The following GRM7 variants were observed in gnomAD, a reference collection of about 807,000 sequenced individuals.
The protein encoded by GRM7 is metabotropic glutamate receptor 7.
Under a neutral mutation model 84.5 loss-of-function variants are expected in GRM7, and 35 were observed. That is an observed-to-expected ratio of 0.41 (90% confidence interval 0.32 to 0.55). The LOEUF is 0.55. Among genes scored for constraint, GRM7 ranks in the 20% least tolerant of loss-of-function variants. The pLI, the probability that GRM7 is intolerant of heterozygous loss-of-function variation, is 0.19. For missense variants in GRM7, 1,003 were observed against 1,194.6 expected, an observed-to-expected ratio of 0.84 and a Z score of 2.36; for synonymous variants, 487 against 455.1, an observed-to-expected ratio of 1.07 and a Z score of -0.89.
At chr3:7,322,122 G>T (rs535264934) in intron 4 of GRM7, among the ~76,000 whole-genome samples, 9 of 151,970 alleles carry the variant, frequency 5.9e-5, no homozygotes, top group Non-Finnish European at 1.2e-4. Flanking sequence ...AGAGTTGTTG[G>T]ATACCTACAT....
intron 8 of GRM7, among the ~76,000 whole-genome samples, chr3:7,657,473 T>C (rs1699257888): frequency 2.0e-5 from 3 of 152,300 alleles, no homozygotes; most frequent in South Asian, 2.1e-4. Context: ...AGCTACAACA[T>C]GTTATTGGAA....
chr3:7,692,634 G>A (rs1700850374), intron 9 of GRM7, among the ~76,000 whole-genome samples: 1 of 152,116 alleles, frequency 6.6e-6, no homozygotes, highest in Non-Finnish European at 1.5e-5. Context: ...AGTTTAGAAT[G>A]TACTCAACTA....
At chr3:6,984,827 G>A (rs1694346496) in intron 1 of GRM7, among the ~76,000 whole-genome samples, 1 of 152,158 alleles carries the variant, frequency 6.6e-6, no homozygotes, top group Non-Finnish European at 1.5e-5. Flanking sequence ...AGGCATTCCT[G>A]GGGCAGAATA....
chr3:7,570,846 G>C (rs938991624), intron 7 of GRM7, among the ~76,000 whole-genome samples: 10 of 152,200 alleles, frequency 6.6e-5, no homozygotes, highest in Non-Finnish European at 1.3e-4. Context: ...GCAAACTTCT[G>C]TCTGGACATC....
intron 5 of GRM7, among the ~76,000 whole-genome samples, chr3:7,424,515 C>T (rs1402142478): frequency 6.6e-6 from 1 of 152,064 alleles, no homozygotes; most frequent in African/African-American, 2.4e-5. Context: ...AAGTAATGCC[C>T]TGTTTTTACA....
intron 1 of GRM7, among the ~76,000 whole-genome samples, chr3:6,882,671 T>C (rs1695555505): frequency 6.6e-6 from 1 of 152,220 alleles, no homozygotes; most frequent in African/African-American, 2.4e-5. Flanking sequence ...TGCAAGCAAA[T>C]ATATAATACT....
chr3:7,511,777 G>A (rs1055120330), intron 7 of GRM7, among the ~76,000 whole-genome samples: 5 of 152,184 alleles, frequency 3.3e-5, no homozygotes, highest in African/African-American at 1.2e-4. Flanking sequence ...ATGAAGAACA[G>A]GATGTCTTGG....
chr3:7,167,703 C>A (rs928706088), intron 2 of GRM7, among the ~76,000 whole-genome samples: 11 of 152,098 alleles, frequency 7.2e-5, no homozygotes, highest in Admixed American at 5.2e-4. Context: ...GGCACGGGGG[C>A]TCACGCCTGT....
intron 1 of GRM7, among the ~76,000 whole-genome samples, chr3:7,134,069 C>A (rs187245631): frequency 6.6e-6 from 1 of 152,158 alleles, no homozygotes; most frequent in East Asian, 1.9e-4. Flanking sequence ...CAAATAGCAC[C>A]AGACAAAATA....
At chr3:7,380,802 C>G (rs1457929437) in intron 4 of GRM7, among the ~76,000 whole-genome samples, 2 of 152,198 alleles carry the variant, frequency 1.3e-5, no homozygotes, top group Admixed American at 6.5e-5. Context: ...GAAAAGAATT[C>G]CCTAAACCCC....
chr3:7,086,619 T>A (rs1226627724), intron 1 of GRM7, among the ~76,000 whole-genome samples: 1 of 152,216 alleles, frequency 6.6e-6, no homozygotes, highest in Non-Finnish European at 1.5e-5. Context: ...GAGCTCCACA[T>A]CAACGTATCC....
chr3:7,079,998 C>T (rs1698225818), intron 1 of GRM7, among the ~76,000 whole-genome samples: 1 of 152,068 alleles, frequency 6.6e-6, no homozygotes, highest in Admixed American at 6.6e-5. Context: ...TAATGGTTTT[C>T]CTTAATACAG....
chr3:7,320,719 T>TGTGTGTGTGTGTGC (rs910693056), intron 4 of GRM7, among the ~76,000 whole-genome samples: 1 of 151,232 alleles, frequency 6.6e-6, no homozygotes, highest in Non-Finnish European at 1.5e-5. Context: ...TGTGTGTGTG[T>TGTGTGTGTGTGTGC]GCAACTTCTT....
intron 2 of GRM7, among the ~76,000 whole-genome samples, chr3:7,260,510 T>C (rs1698380400): frequency 6.6e-6 from 1 of 152,222 alleles, no homozygotes; most frequent in South Asian, 2.1e-4. Context: ...CACAGTAGTA[T>C]CTGATGGCTA....
intron 5 of GRM7, among the ~76,000 whole-genome samples, chr3:7,424,376 A>G (rs1045842625): frequency 6.6e-6 from 1 of 152,136 alleles, no homozygotes. Flanking sequence ...TTATTTTCAT[A>G]TAAAGCATTA....
chr3:7,713,795 CTTTTTTTTTTTTT>C (rs60007117), intron 9 of GRM7, among the ~76,000 whole-genome samples: 4 of 64,752 alleles, frequency 6.2e-5, no homozygotes, highest in African/African-American at 1.5e-4. Flanking sequence ...CGGATGCTTT[CTTTTTTTTTTTTT>C]TTTTTTTTTT....
chr3:7,585,329 TTAGC>T (rs1175438068), intron 8 of GRM7, among the ~76,000 whole-genome samples: 1 of 152,186 alleles, frequency 6.6e-6, no homozygotes, highest in Non-Finnish European at 1.5e-5. Context: ...AAGGCTGGTG[TTAGC>T]TAGTCGCTTG....
At chr3:7,239,749 G>T (rs548151996) in intron 2 of GRM7, among the ~76,000 whole-genome samples, 1 of 152,274 alleles carries the variant, frequency 6.6e-6, no homozygotes, top group Admixed American at 6.5e-5. Context: ...TTTTCTGAAA[G>T]CAGACGTCTG....
intron 2 of GRM7, among the ~76,000 whole-genome samples, chr3:7,199,968 T>TTCTA (rs1372141727): frequency 2.6e-5 from 4 of 152,206 alleles, no homozygotes; most frequent in Non-Finnish European, 5.9e-5. Flanking sequence ...TTAGCCTCCA[T>TTCTA]TCTACAGGCT....
Sources: allele counts gnomAD v4.1 joint callset (sites outside exome capture counted in the v4.1 genomes callset), GRCh38; gene constraint gnomAD v4.1.1; transcripts MANE v1.5; gene names NCBI Gene and HGNC (gene_info 2026-07-23, HGNC 2026-07-21).